LYZL2: variants seen among roughly 807,000 people sequenced by gnomAD.
LYZL2 encodes the protein lysozyme-like protein 2.
LYZL2 carries 13 observed loss-of-function variants against 17.1 expected under a neutral mutation model. The ratio of observed to expected loss-of-function variants is 0.76; its 90% CI spans 0.49 to 1.21. The LOEUF is 1.21. LYZL2 is among the 50% of genes most tolerant of loss of function. The pLI is 0.00. For missense variants in LYZL2, 166 were observed against 189.2 expected, an observed-to-expected ratio of 0.88 and a Z score of 0.72; for synonymous variants, 63 against 74.4, an observed-to-expected ratio of 0.85 and a Z score of 0.79.
rs1165550893 is a variant in LYZL2, at chr10:30,617,674, CAAAAAAAAAAAAAAAAAA to C, written c.299-4792_299-4775del. Among the ~76,000 whole-genome samples, 227 of 50,238 alleles carry C rather than the reference CAAAAAAAAAAAAAAAAAA, an allele frequency of 4.5e-3. 2 individuals are homozygous for C. The highest frequency in any genetic ancestry group is 0.015 in the African/African-American group (218 of 14,802). 33.0% of individuals were successfully genotyped at this position (50,238 alleles called of 152,430 possible). A position where few individuals can be genotyped will look rare whatever the true frequency, so the allele number is the denominator to read the frequency against. On this transcript the variant is annotated intron_variant, in intron 3 of 4. Transcript: ENST00000647634. ...TGGGTGACAGAGTGAGACTCTGTCT[CAAAAAAAAAAAAAAAAAA>C]AAAAAAGAAAAGAAAAAGAAAAAAA... is the stretch of plus-strand genomic sequence containing the variant.
chr10:30,627,059 A>G (rs1175586645), intron 1 of LYZL2, 119 bp from the exon 2 acceptor site: 3 of 1,430,860 alleles, frequency 2.1e-6, no homozygotes, highest in Non-Finnish European at 1.9e-6. Context: ...ATTCAGTGCC[A>G]CCATCAGGGA....
At chr10:30,623,401 C>A (rs1838655293) in intron 3 of LYZL2, among the ~76,000 whole-genome samples, 1 of 152,124 alleles carries the variant, frequency 6.6e-6, no homozygotes, top group African/African-American at 2.4e-5. Flanking sequence ...GACCTGGGAT[C>A]TCCAACCCCT....
At chr10:30,617,150 C>A (rs1838541483) in intron 3 of LYZL2, among the ~76,000 whole-genome samples, 1 of 152,048 alleles carries the variant, frequency 6.6e-6, no homozygotes, top group South Asian at 2.1e-4. Flanking sequence ...TTCTATTATT[C>A]TGGGATTGGA....
intron 3 of LYZL2, among the ~76,000 whole-genome samples, chr10:30,623,120 A>AATAT (rs1369324656): frequency 6.6e-6 from 1 of 152,232 alleles, no homozygotes; most frequent in Non-Finnish European, 1.5e-5. Context: ...ACCCTCAAAG[A>AATAT]ATATATGCCT....
chr10:30,610,952 G>C (rs1361258937), downstream of LYZL2, among the ~76,000 whole-genome samples: 1 of 152,062 alleles, frequency 6.6e-6, no homozygotes, highest in African/African-American at 2.4e-5. Flanking sequence ...GTCTAGGCTT[G>C]TGGGTATGCA....
chr10:30,617,304 C>T (rs1210347568), intron 3 of LYZL2, among the ~76,000 whole-genome samples: 5 of 152,162 alleles, frequency 3.3e-5, no homozygotes, highest in African/African-American at 7.2e-5. Context: ...TGTTTGTCCC[C>T]TCCTATGTTG....
chr10:30,616,285 CA>C (rs1311201142), intron 3 of LYZL2, among the ~76,000 whole-genome samples: 1 of 152,256 alleles, frequency 6.6e-6, no homozygotes, highest in East Asian at 1.9e-4. Flanking sequence ...GAAAAAGTAA[CA>C]AAATACATCG....
intron 3 of LYZL2, among the ~76,000 whole-genome samples, chr10:30,620,228 G>A (rs918139410): frequency 2.6e-5 from 4 of 152,204 alleles, no homozygotes; most frequent in African/African-American, 9.7e-5. Context: ...ATGCTAATGA[G>A]ACATGAGATG....
rs1838707721 is a variant in LYZL2 at position 30,626,415 on chromosome 10, C to G, written c.140-152G>C. 2.3e-6 allele frequency: 3 copies of G among 1,294,378 alleles called. No individual in the cohort carries two copies. In the African/African-American group the frequency reaches 4.5e-5, roughly 19 times the overall value. The allele number at this position is 1,294,378 out of a possible 1,614,324, so 80.2% of individuals were successfully genotyped here. ...AGGGCGGGCATGTGCCCAGGGGGCA[C>G]ACGAGGGGCACATCAGGGGCTGGGA... On this transcript the variant is annotated intron_variant, in intron 2 of 4. Coordinates refer to ENST00000647634, the MANE Select transcript of LYZL2 (RefSeq NM_183058.3).
chr10:30,614,009 C>A (rs1348480759), intron 3 of LYZL2, among the ~76,000 whole-genome samples: 1 of 151,924 alleles, frequency 6.6e-6, no homozygotes, highest in African/African-American at 2.4e-5. Context: ...CATGCCCCGC[C>A]ACCTATTATT....
At chr10:30,619,390 C>T (rs1838584285) in intron 3 of LYZL2, among the ~76,000 whole-genome samples, 1 of 152,102 alleles carries the variant, frequency 6.6e-6, no homozygotes, top group African/African-American at 2.4e-5. Context: ...ATGTTTATTG[C>T]AGCACTATTC....
downstream of LYZL2, chr10:30,611,669 GAGAA>G (rs1208853905): frequency 4.7e-5 from 12 of 252,888 alleles, no homozygotes; most frequent in Admixed American, 5.7e-4. Flanking sequence ...AAGAGAAAGA[GAGAA>G]AGAAAGGAAG....
intron 3 of LYZL2, among the ~76,000 whole-genome samples, chr10:30,623,197 A>G (rs1250904710): frequency 3.3e-5 from 5 of 152,256 alleles, no homozygotes; most frequent in Non-Finnish European, 5.9e-5. Context: ...TGATAGTTGC[A>G]AATTTCAATA....
Position 30,611,905 on chromosome 10 carries a change from A to G in LYZL2, c.*50T>C, listed in dbSNP as rs376562545. On this transcript the variant is annotated 3_prime_UTR_variant, in exon 5 of 5. Transcript: ENST00000647634. ...AGATGACACAGGCATTTGGACATTC[A>G]CTGCAAACCCTAGGGCGTTGCTGCA... The G allele has an allele frequency of 2.5e-6, 4 of 1,612,932 alleles. No individual in the cohort carries two copies. The African/African-American group carries it at 4.0e-5, about 16-fold the overall frequency.
At chr10:30,607,801 T>C (rs7914090), downstream of LYZL2, among the ~76,000 whole-genome samples, 7,439 of 152,206 alleles carry the variant, frequency 0.049, 206 homozygotes, top group South Asian at 0.062. Context: ...TTAGACATCA[T>C]TGCGTGTAAA....
In LYZL2 at chr10:30,627,836, T is replaced by G. The variant is rs376959138; in HGVS notation, c.-25-896A>C. 3.9e-4 allele frequency among the ~76,000 whole-genome samples: 60 copies of G among 152,288 alleles called. No homozygotes were observed. In the East Asian group the frequency reaches 4.8e-3, roughly 12 times the overall value. On this transcript the variant is annotated intron_variant, in intron 1 of 4. Coordinates refer to ENST00000647634, the MANE Select transcript of LYZL2 (RefSeq NM_183058.3). ...CACCCCATTTCAGCCAGAGATGAAA[T>G]ACACGTGGACCTGAATGGAAAACTT...
At chr10:30,628,808 A>C (rs899122887) in intron 1 of LYZL2, among the ~76,000 whole-genome samples, 3 of 152,224 alleles carry the variant, frequency 2.0e-5, no homozygotes, top group African/African-American at 7.2e-5. Flanking sequence ...AAGATAAGGA[A>C]CTGCATTGCA....
chr10:30,613,998 C>G (rs1162911113), intron 3 of LYZL2, among the ~76,000 whole-genome samples: 2 of 152,130 alleles, frequency 1.3e-5, no homozygotes, highest in African/African-American at 4.8e-5. Context: ...ACATGAGCCA[C>G]CATGCCCCGC....
downstream of LYZL2, among the ~76,000 whole-genome samples, chr10:30,607,988 A>G (rs146054095): frequency 2.0e-5 from 3 of 152,284 alleles, no homozygotes; most frequent in East Asian, 5.8e-4. Context: ...GCCCAGCCAG[A>G]CTAGAGGGCA....
Sources: gnomAD v4.1 joint callset for allele counts (sites outside exome capture counted in the v4.1 genomes callset) on GRCh38, gnomAD v4.1.1 for gene constraint, MANE v1.5 for transcripts, NCBI Gene and HGNC (gene_info 2026-07-23, HGNC 2026-07-21) for gene names.